The following UBE2R2 variants were observed in gnomAD, a reference collection of about 807,000 sequenced individuals.
The protein encoded by UBE2R2 is ubiquitin conjugating enzyme E2 R2.
A neutral mutation model predicts 27.8 loss-of-function variants in UBE2R2; 1 was observed. That is an observed-to-expected ratio of 0.04 (90% confidence interval 0.01 to 0.17). The LOEUF is 0.17. Among genes scored for constraint, UBE2R2 ranks in the 10% least tolerant of loss-of-function variants. The probability of loss-of-function intolerance (pLI) is 1.00; values close to 1 mark genes in which losing one functional copy is unlikely to be tolerated. For missense variants in UBE2R2, 100 were observed against 291.0 expected (o/e 0.34, Z 4.78); for synonymous variants, 106 against 113.3 (o/e 0.94, Z 0.41).
intron 1 of UBE2R2, among the ~76,000 whole-genome samples, chr9:33,846,977 T>C (rs981446756): frequency 2.7e-5 from 4 of 150,416 alleles, no homozygotes; most frequent in African/African-American, 9.8e-5. Context: ...TTTATTTGCC[T>C]GAAAACATCT....
At chr9:33,893,626 T>TTTTA (rs937199629) in intron 2 of UBE2R2, among the ~76,000 whole-genome samples, 20 of 152,134 alleles carry the variant, frequency 1.3e-4, no homozygotes, top group African/African-American at 3.1e-4. Flanking sequence ...ATGTTTAACT[T>TTTTA]TTTATTTATT....
intron 1 of UBE2R2, among the ~76,000 whole-genome samples, chr9:33,862,043 C>G (rs1368445188): frequency 6.6e-6 from 1 of 151,662 alleles, no homozygotes; most frequent in Non-Finnish European, 1.5e-5. Context: ...TTAGTAGAGA[C>G]AGGGTTTCAC....
chr9:33,896,687 A>C (rs1261926507), intron 2 of UBE2R2, among the ~76,000 whole-genome samples: 1 of 150,352 alleles, frequency 6.7e-6, no homozygotes, highest in Non-Finnish European at 1.5e-5. Context: ...TGACCTGGTG[A>C]TCTGCCCGCC....
chr9:33,884,860 C>A (rs1821822297), intron 1 of UBE2R2, among the ~76,000 whole-genome samples: 1 of 151,986 alleles, frequency 6.6e-6, no homozygotes, highest in South Asian at 2.1e-4. Flanking sequence ...TACAGTGGCA[C>A]CTGCAGGAAT....
chr9:33,869,445 T>TTATG (rs2130777876), intron 1 of UBE2R2, among the ~76,000 whole-genome samples: 1 of 151,692 alleles, frequency 6.6e-6, no homozygotes, highest in African/African-American at 2.4e-5. Flanking sequence ...ATTTATTTAT[T>TTATG]TATTTATTTA....
chr9:33,904,503 A>G (rs1822309492), intron 3 of UBE2R2, among the ~76,000 whole-genome samples: 4 of 152,194 alleles, frequency 2.6e-5, no homozygotes, highest in Admixed American at 2.6e-4. Context: ...CGTGTACTCA[A>G]GACTATTGTT....
intron 1 of UBE2R2, among the ~76,000 whole-genome samples, chr9:33,872,740 C>G (rs776222850): frequency 6.6e-6 from 1 of 150,402 alleles, no homozygotes; most frequent in Non-Finnish European, 1.5e-5. Flanking sequence ...GAGCCAAGAC[C>G]GCACCACTGC....
chr9:33,912,989 C>T (rs780804965), intron 4 of UBE2R2, among the ~76,000 whole-genome samples: 8 of 151,882 alleles, frequency 5.3e-5, no homozygotes, highest in Non-Finnish European at 8.8e-5. Context: ...GAGATGGAGT[C>T]TTACTCTGTC....
At chr9:33,847,243 T>C (rs947258475) in intron 1 of UBE2R2, among the ~76,000 whole-genome samples, 1 of 151,924 alleles carries the variant, frequency 6.6e-6, no homozygotes, top group African/African-American at 2.4e-5. Context: ...ATTACAGGCA[T>C]GCGCCACCAT....
chr9:33,836,616 A>G (rs1301277964), intron 1 of UBE2R2, among the ~76,000 whole-genome samples: 1 of 152,016 alleles, frequency 6.6e-6, no homozygotes, highest in Non-Finnish European at 1.5e-5. Flanking sequence ...AATTAGCCAG[A>G]CATGGTGGCA....
chr9:33,875,226 A>G (rs114540250), intron 1 of UBE2R2, among the ~76,000 whole-genome samples: 139 of 152,318 alleles, frequency 9.1e-4, no homozygotes, highest in African/African-American at 3.2e-3. Flanking sequence ...ATAAAAGCTC[A>G]TAATTCCTTA....
chr9:33,891,491 G>T (rs1053872482), intron 2 of UBE2R2, among the ~76,000 whole-genome samples: 1 of 151,902 alleles, frequency 6.6e-6, no homozygotes, highest in Non-Finnish European at 1.5e-5. Flanking sequence ...ACTAAAAATA[G>T]AAAAAATTAG....
intron 1 of UBE2R2, among the ~76,000 whole-genome samples, chr9:33,886,523 C>T (rs1481843574): frequency 5.9e-5 from 9 of 151,904 alleles, no homozygotes; most frequent in South Asian, 4.2e-4. Flanking sequence ...GACGTGGTGG[C>T]GTGCACCTGT....
intron 3 of UBE2R2, among the ~76,000 whole-genome samples, chr9:33,904,111 G>T (rs1201446316): frequency 6.6e-6 from 1 of 152,184 alleles, no homozygotes; most frequent in East Asian, 1.9e-4. Context: ...ACTACCTAAT[G>T]AGCAGATGTG....
chr9:33,832,308 CAA>C, intron 1 of UBE2R2, among the ~76,000 whole-genome samples: 1 of 136,528 alleles, frequency 7.3e-6, no homozygotes, highest in African/African-American at 2.6e-5. Context: ...AAATCTATCT[CAA>C]AAAAAAAAAG....
chr9:33,860,183 T>C lies in UBE2R2; in HGVS notation c.178-26698T>C, dbSNP rs192076290. ...ATTATGTAAAAGGAAGTTCTTTTGATTGGGAAGAAAACCTTCCTGACAGGC... is the reference window on the plus strand; with the variant it reads ...ATTATGTAAAAGGAAGTTCTTTTGACTGGGAAGAAAACCTTCCTGACAGGC... On this transcript the variant is annotated intron_variant, in intron 1 of 4. Coordinates refer to ENST00000263228, the MANE Select transcript of UBE2R2 (RefSeq NM_017811.4). Among the ~76,000 whole-genome samples, 4 of 152,208 alleles carry C rather than the reference T, an allele frequency of 2.6e-5. No individual in the cohort carries two copies. In the East Asian group the frequency reaches 7.7e-4, roughly 29 times the overall value.
At chr9:33,827,563 T>C (rs1361694544) in intron 1 of UBE2R2, among the ~76,000 whole-genome samples, 1 of 151,550 alleles carries the variant, frequency 6.6e-6, no homozygotes, top group Non-Finnish European at 1.5e-5. Context: ...ATTGTTTGAA[T>C]GCGGGAGGTG....
intron 1 of UBE2R2, among the ~76,000 whole-genome samples, chr9:33,874,943 T>C (rs1166763953): frequency 6.6e-6 from 1 of 152,046 alleles, no homozygotes; most frequent in Non-Finnish European, 1.5e-5. Context: ...GCTGGGATTA[T>C]AGGCATGAGC....
chr9:33,894,822 G>A (rs987545096), intron 2 of UBE2R2, among the ~76,000 whole-genome samples: 1 of 152,136 alleles, frequency 6.6e-6, no homozygotes, highest in Non-Finnish European at 1.5e-5. Context: ...ACTTGAACCC[G>A]GGAGGTAGAG....
Sources: gnomAD v4.1 joint callset for allele counts (sites outside exome capture counted in the v4.1 genomes callset) on GRCh38, gnomAD v4.1.1 for gene constraint, MANE v1.5 for transcripts, NCBI Gene and HGNC (gene_info 2026-07-23, HGNC 2026-07-21) for gene names.